The following BCL11A variants were observed in gnomAD, a reference collection of about 807,000 sequenced individuals.
BCL11A encodes BCL11 transcription factor A, also known as B cell CLL/lymphoma 11A.
Under a neutral mutation model 55.9 loss-of-function variants are expected in BCL11A, and 2 were observed. The observed-to-expected ratio is 0.04, with a 90% confidence interval of 0.01 to 0.11. BCL11A has a LOEUF of 0.11. BCL11A is among the 10% of genes least tolerant of loss of function. BCL11A has a pLI of 1.00. For synonymous variants in BCL11A, 465 were observed against 473.4 expected (o/e 0.98, Z 0.23); for missense variants, 817 against 1,137.1 (o/e 0.72, Z 4.05).
At chr2:60,519,120 AG>A (rs1328017026) in intron 2 of BCL11A, among the ~76,000 whole-genome samples, 1 of 152,182 alleles carries the variant, frequency 6.6e-6, no homozygotes, top group Non-Finnish European at 1.5e-5. Context: ...CAAACCAAGA[AG>A]CTTCTTTTCT....
chr2:60,467,690 G>GTGGTGGTGATGGTAC (rs1342004017), intron 3 of BCL11A, among the ~76,000 whole-genome samples: 5 of 68,272 alleles, frequency 7.3e-5, no homozygotes, highest in Non-Finnish European at 1.4e-4. Flanking sequence ...GATGGTGGTG[G>GTGGTGGTGATGGTAC]TGGTGGTGAT....
downstream of BCL11A, among the ~76,000 whole-genome samples, chr2:60,456,033 C>T (rs1375325616): frequency 1.3e-5 from 2 of 152,082 alleles, no homozygotes; most frequent in East Asian, 3.9e-4. Context: ...TTCCTCTAGC[C>T]CCACTCTCTC....
At chr2:60,470,528 T>C (rs914820559) in intron 2 of BCL11A, among the ~76,000 whole-genome samples, 10 of 152,162 alleles carry the variant, frequency 6.6e-5, no homozygotes, top group Admixed American at 2.6e-4. Flanking sequence ...ACGCAACAGG[T>C]ACTTGGATCC....
intron 1 of BCL11A, chr2:60,551,012 G>C: frequency 2.5e-6 from 1 of 397,464 alleles, no homozygotes; most frequent in Non-Finnish European, 4.4e-6. Flanking sequence ...GCCGGGGTGG[G>C]GGAGCTTCCG....
At chr2:60,486,366 C>T (rs1022807475) in intron 2 of BCL11A, among the ~76,000 whole-genome samples, 46 of 152,306 alleles carry the variant, frequency 3.0e-4, no homozygotes, top group African/African-American at 1.1e-3. Context: ...TGAGAAAGAA[C>T]GGATAGCCAA....
intron 1 of BCL11A, among the ~76,000 whole-genome samples, chr2:60,550,078 A>G (rs767111141): frequency 6.6e-6 from 1 of 151,916 alleles, no homozygotes; most frequent in Non-Finnish European, 1.5e-5. Context: ...TGTGCTTTGC[A>G]TGGGGGTGAG....
chr2:60,540,185 A>C (rs1020186098), intron 2 of BCL11A, among the ~76,000 whole-genome samples: 1 of 152,112 alleles, frequency 6.6e-6, no homozygotes, highest in African/African-American at 2.4e-5. Flanking sequence ...CCATGACCCA[A>C]ATGAAATCTG....
chr2:60,541,024 C>T (rs935637292), intron 2 of BCL11A, among the ~76,000 whole-genome samples: 5 of 150,110 alleles, frequency 3.3e-5, no homozygotes, highest in African/African-American at 1.2e-4. Flanking sequence ...TTTAAGCTTT[C>T]ACAGAATAAA....
At chr2:60,508,186 C>A (rs1679751366) in intron 2 of BCL11A, among the ~76,000 whole-genome samples, 1 of 152,114 alleles carries the variant, frequency 6.6e-6, no homozygotes, top group Non-Finnish European at 1.5e-5. Context: ...TTCTGACAGG[C>A]CCAGCACTGT....
In BCL11A at chr2:60,460,938, C is replaced by T; in HGVS notation, c.1974G>A (p.Gln658=). The change falls in exon 4 of 4, where the codon CAG becomes CAA. Residue 658 remains glutamine (Q), a synonymous_variant. Coordinates refer to ENST00000642384, the MANE Select transcript of BCL11A (RefSeq NM_022893.4). The part of the protein sequence containing the change: ...AMPNTENVYS[Q]WLAGYAASRQ... ...TGGAGGCCGCGTAGCCGGCGAGCCA[C>T]TGCGAGTACACGTTCTCCGTGTTGG... is the stretch of plus-strand genomic sequence containing the variant. 6.2e-7 allele frequency: 1 copy of T among 1,613,192 alleles called. No homozygotes were observed. The highest frequency in any genetic ancestry group is 2.2e-5 in the East Asian group (1 of 44,882).
At chr2:60,544,713 C>T (rs1162392787) in intron 2 of BCL11A, 1 of 152,172 alleles carries the variant, frequency 6.6e-6, no homozygotes, top group Non-Finnish European at 1.5e-5. Flanking sequence ...TCATGATATG[C>T]ACTACCTTTC....
intron 2 of BCL11A, among the ~76,000 whole-genome samples, chr2:60,471,278 C>T (rs540266830): frequency 6.6e-6 from 1 of 152,242 alleles, no homozygotes; most frequent in African/African-American, 2.4e-5. Context: ...TTTCTATCAG[C>T]CTAAGAAGCT....
Position 60,546,286 on chromosome 2 carries a change from C to G in BCL11A, c.70G>C (p.Ala24Pro), listed in dbSNP as rs1162362192. ...TCTGGTTCATCATCTGTAAGAATGG[C>G]TTCAAGAGGCTCGGCTGTGGTTGGA... is the stretch of plus-strand genomic sequence containing the variant. The part of the protein sequence containing the change: ...KREFSPEPLE[A>P]ILTDDEPDHG... Residue 24 changes from alanine (A) to proline (P), a missense_variant, in exon 2 of 4, where the codon GCC becomes CCC. Coordinates refer to ENST00000642384, the MANE Select transcript of BCL11A (RefSeq NM_022893.4). This position sits in a 1 kb window ranked among gnomAD's most constrained non-coding sequence, Gnocchi z 4.1. The G allele has an allele frequency of 1.2e-6, 2 of 1,612,932 alleles. No individual in the cohort carries two copies. Among genetic ancestry groups the G allele is most frequent in the Admixed American group, 3.3e-5 (2 of 59,950 alleles).
rs1365207465 is a variant in BCL11A at position 60,458,875 on chromosome 2, T to TA, written c.*1528dup. Reference sequence around the variant, plus strand: ...AATAAAAAAGAAAAAATTAAAAAAATAAAAATAAAAACAATGAATCCTCTT... The same window carrying TA: ...AATAAAAAAGAAAAAATTAAAAAAATAAAAAATAAAAACAATGAATCCTCTT... On this transcript the variant is annotated 3_prime_UTR_variant, in exon 4 of 4. Coordinates refer to ENST00000642384, the MANE Select transcript of BCL11A (RefSeq NM_022893.4). 2 of 1,027,824 alleles carry TA rather than the reference T, an allele frequency of 1.9e-6. No homozygotes were observed. Among genetic ancestry groups the TA allele is most frequent in the Non-Finnish European group, 2.3e-6 (2 of 853,928 alleles). 63.7% of individuals were successfully genotyped at this position (1,027,824 alleles called of 1,614,324 possible). A position where few individuals can be genotyped will look rare whatever the true frequency, so the allele number is the denominator to read the frequency against.
At chr2:60,492,271 G>T (rs968971503) in intron 2 of BCL11A, among the ~76,000 whole-genome samples, 1 of 152,180 alleles carries the variant, frequency 6.6e-6, no homozygotes, top group Non-Finnish European at 1.5e-5. Flanking sequence ...GGAGGCTGAG[G>T]TGACAGGATG....
At chr2:60,496,774 GCTCT>G (rs10657650) in intron 2 of BCL11A, among the ~76,000 whole-genome samples, 6 of 149,320 alleles carry the variant, frequency 4.0e-5, no homozygotes, top group African/African-American at 7.4e-5. Flanking sequence ...CACTGTGAGT[GCTCT>G]CTCTCTCTCT....
chr2:60,535,044 G>C (rs958778902), intron 2 of BCL11A: 1 of 152,158 alleles, frequency 6.6e-6, no homozygotes, highest in South Asian at 2.1e-4. Flanking sequence ...GATGTGCACC[G>C]AATGTACATG....
At chr2:60,480,945 G>A (rs1677916406) in intron 2 of BCL11A, among the ~76,000 whole-genome samples, 1 of 152,146 alleles carries the variant, frequency 6.6e-6, no homozygotes, top group East Asian at 1.9e-4. Context: ...GTTCTAAATA[G>A]TTTTTGCTCC....
rs561884972 is a variant in BCL11A at position 60,490,310 on chromosome 2, G to C, written c.386-21477C>G. ...CCCTAGCATGCTGCCTTTGTCTTCT[G>C]ATCAGAGTATTTCAGCAGCCCTCTG... On this transcript the variant is annotated intron_variant, in intron 2 of 3. Transcript: ENST00000642384. Among the ~76,000 whole-genome samples the C allele has an allele frequency of 2.5e-4, 38 of 152,264 alleles. 1 individual carries two copies. In the South Asian group the frequency reaches 7.7e-3, roughly 31 times the overall value.
Sources: gnomAD v4.1 joint callset for allele counts (sites outside exome capture counted in the v4.1 genomes callset) on GRCh38, gnomAD v4.1.1 for gene constraint, Gnocchi (gnomAD v3.1) non-coding constraint, MANE v1.5 for transcripts, NCBI Gene and HGNC (gene_info 2026-07-23, HGNC 2026-07-21) for gene names.